Variants in NTM observed in about 807,000 individuals in gnomAD.
NTM encodes neurotrimin.
NTM carries 13 observed loss-of-function variants against 42.1 expected under a neutral mutation model. That is an observed-to-expected ratio of 0.31 (90% CI 0.20 to 0.49). The LOEUF is 0.49. Among genes scored for constraint, NTM ranks in the 20% least tolerant of loss-of-function variants. The probability of loss-of-function intolerance (pLI) is 0.99; values close to 1 mark genes in which losing one functional copy is unlikely to be tolerated. For missense variants in NTM, 373 were observed against 452.8 expected (o/e 0.82, Z 1.60); for synonymous variants, 187 against 179.2 (o/e 1.04, Z -0.35).
At chr11:131,673,390 A>G (rs1466719495) in intron 1 of NTM, among the ~76,000 whole-genome samples, 5 of 152,166 alleles carry the variant, frequency 3.3e-5, no homozygotes, top group African/African-American at 1.2e-4. Context: ...TGGTGGCCCC[A>G]AAAGGATCAC....
At chr11:131,708,700 A>C (rs2076827119) in intron 1 of NTM, among the ~76,000 whole-genome samples, 2 of 152,354 alleles carry the variant, frequency 1.3e-5, no homozygotes, top group South Asian at 4.1e-4. Context: ...TCATTTATTC[A>C]TGAAAAATAT....
intron 1 of NTM, among the ~76,000 whole-genome samples, chr11:131,677,829 C>A (rs1038937964): frequency 6.6e-6 from 1 of 152,206 alleles, no homozygotes; most frequent in Admixed American, 6.5e-5. Flanking sequence ...GCATCCTTGT[C>A]CCCTCCACTC....
chr11:132,205,264 A>C (rs1456017128), intron 3 of NTM, among the ~76,000 whole-genome samples: 1 of 152,190 alleles, frequency 6.6e-6, no homozygotes, highest in Non-Finnish European at 1.5e-5. Context: ...GTGCATTCTC[A>C]GCCCCACAGG....
At chr11:131,927,248 C>T (rs1264675268) in intron 2 of NTM, among the ~76,000 whole-genome samples, 1 of 149,712 alleles carries the variant, frequency 6.7e-6, no homozygotes, top group Non-Finnish European at 1.5e-5. Flanking sequence ...CATTTTGCAC[C>T]AACTTTATTA....
intron 2 of NTM, among the ~76,000 whole-genome samples, chr11:132,028,052 A>G (rs1292383904): frequency 1.2e-4 from 18 of 150,712 alleles, no homozygotes. Flanking sequence ...TATTTCTACC[A>G]TCTTCTTTTG....
At chr11:131,657,287 A>T (rs1215332677) in intron 1 of NTM, among the ~76,000 whole-genome samples, 1 of 152,178 alleles carries the variant, frequency 6.6e-6, no homozygotes, top group Non-Finnish European at 1.5e-5. Flanking sequence ...ATCTGAGGCC[A>T]GCCTTCGATT....
At chr11:131,607,571 G>A (rs1162296518) in intron 1 of NTM, among the ~76,000 whole-genome samples, 1 of 152,118 alleles carries the variant, frequency 6.6e-6, no homozygotes, top group Admixed American at 6.5e-5. Context: ...TGGGGTAGGG[G>A]AGTATGTATG....
Position 132,162,739 on chromosome 11 carries a change from G to C in NTM, c.400+16225G>C, listed in dbSNP as rs2074590039. Among the ~76,000 whole-genome samples, 2 of 134,830 alleles carry C rather than the reference G, an allele frequency of 1.5e-5. 1 individual carries two copies. Among genetic ancestry groups the C allele is most frequent in the South Asian group, 4.7e-4 (2 of 4,290 alleles). The allele number at this position is 134,830 out of a possible 152,430, so 88.5% of individuals were successfully genotyped here. A position where few individuals can be genotyped will look rare whatever the true frequency, so the allele number is the denominator to read the frequency against. On this transcript the variant is annotated intron_variant, in intron 3 of 8. Coordinates refer to ENST00000683400, the MANE Select transcript of NTM (RefSeq NM_001352005.2). ...GTGTGTTTGTGGAGCATGTGTGAGT[G>C]TGTGTATGTGTTTGTGTGGGACATG...
At chr11:131,753,937 G>A (rs1295370688) in intron 1 of NTM, among the ~76,000 whole-genome samples, 5 of 151,004 alleles carry the variant, frequency 3.3e-5, no homozygotes, top group Non-Finnish European at 4.4e-5. Context: ...ATACACCATG[G>A]AATACTATGC....
At chr11:131,512,954 C>T (rs564523628) in intron 1 of NTM, among the ~76,000 whole-genome samples, 7 of 152,174 alleles carry the variant, frequency 4.6e-5, no homozygotes, top group South Asian at 2.1e-4. Flanking sequence ...TTCAGTCCTA[C>T]GCTTGGCACC....
chr11:132,157,231 G>A (rs2073377379), intron 3 of NTM, among the ~76,000 whole-genome samples: 1 of 152,186 alleles, frequency 6.6e-6, no homozygotes, highest in African/African-American at 2.4e-5. Flanking sequence ...AATCCTTAAT[G>A]GATGGAAATA....
chr11:131,432,390 G>A (rs1948723986), intron 1 of NTM, among the ~76,000 whole-genome samples: 1 of 152,180 alleles, frequency 6.6e-6, no homozygotes, highest in Non-Finnish European at 1.5e-5. Flanking sequence ...AAGTTTCTGT[G>A]TGAGAAACTG....
At chr11:131,912,688 A>G (rs901728476) in intron 2 of NTM, among the ~76,000 whole-genome samples, 4 of 152,206 alleles carry the variant, frequency 2.6e-5, no homozygotes, top group Non-Finnish European at 5.9e-5. Flanking sequence ...AAAGTTTTCC[A>G]AACTAAGCGA....
At chr11:131,691,652 A>G (rs2074751410) in intron 1 of NTM, among the ~76,000 whole-genome samples, 2 of 152,004 alleles carry the variant, frequency 1.3e-5, no homozygotes, top group Middle Eastern at 3.4e-3. Context: ...CACAGCGGGT[A>G]AAGATGGCAA....
intron 6 of NTM, among the ~76,000 whole-genome samples, chr11:132,311,824 G>A (rs71485743): frequency 5.3e-5 from 8 of 152,158 alleles, no homozygotes; most frequent in Non-Finnish European, 7.3e-5. Context: ...GGCCAATGGC[G>A]AGTAAAAGGA....
At chr11:131,412,209 C>G (rs967969931) in intron 1 of NTM, among the ~76,000 whole-genome samples, 1 of 152,172 alleles carries the variant, frequency 6.6e-6, no homozygotes, top group African/African-American at 2.4e-5. Flanking sequence ...GCAAGAACAG[C>G]ATTTGTTTGG....
At chr11:132,067,393 C>T (rs2056682206) in intron 2 of NTM, among the ~76,000 whole-genome samples, 1 of 152,218 alleles carries the variant, frequency 6.6e-6, no homozygotes, top group Non-Finnish European at 1.5e-5. Flanking sequence ...CAACTCACAT[C>T]CAAAATCTTA....
At chr11:132,023,515 A>C (rs12804332) in intron 2 of NTM, among the ~76,000 whole-genome samples, 4,181 of 152,270 alleles carry the variant, frequency 0.027, 79 homozygotes, top group Middle Eastern at 0.11. Flanking sequence ...GTGGGCAGCC[A>C]GAGTGGCTTG....
At chr11:131,959,213 C>T (rs1236673587) in intron 2 of NTM, among the ~76,000 whole-genome samples, 1 of 152,142 alleles carries the variant, frequency 6.6e-6, no homozygotes, top group African/African-American at 2.4e-5. Flanking sequence ...CGCAGATTTG[C>T]CCAATCTTTT....
Sources: gnomAD v4.1 joint callset for allele counts (sites outside exome capture counted in the v4.1 genomes callset) on GRCh38, gnomAD v4.1.1 for gene constraint, MANE v1.5 for transcripts, NCBI Gene and HGNC (gene_info 2026-07-23, HGNC 2026-07-21) for gene names.